MACROD2: variants seen among roughly 807,000 people sequenced by gnomAD.
The protein encoded by MACROD2 is ADP-ribose glycohydrolase MACROD2.
In MACROD2, 36 loss-of-function variants were observed where a neutral mutation model predicts 70.4. That is an observed-to-expected ratio of 0.51 (90% CI 0.39 to 0.68). The LOEUF (loss-of-function observed/expected upper bound fraction) is 0.68. Among genes scored for constraint, MACROD2 ranks in the 30% least tolerant of loss-of-function variants. MACROD2 has a pLI of 0.00. For synonymous variants in MACROD2, 172 were observed against 178.8 expected (o/e 0.96, Z 0.30); for missense variants, 496 against 538.4 (o/e 0.92, Z 0.78).
intron 5 of MACROD2, among the ~76,000 whole-genome samples, chr20:14,992,870 A>T (rs1369230196): frequency 6.6e-6 from 1 of 150,852 alleles, no homozygotes. Context: ...GGAAAGCAAG[A>T]ACCTGACATA....
At chr20:15,968,838 T>TATAC (rs1417891284) in intron 13 of MACROD2, among the ~76,000 whole-genome samples, 97 of 113,750 alleles carry the variant, frequency 8.5e-4, no homozygotes, top group African/African-American at 2.7e-3. Context: ...TATATATATA[T>TATAC]ACACACATAT....
intron 8 of MACROD2, among the ~76,000 whole-genome samples, chr20:15,801,200 A>AAAAAAAAAG (rs749268333): frequency 3.6e-5 from 5 of 137,814 alleles, no homozygotes; most frequent in Non-Finnish European, 4.6e-5. Context: ...AAAAAAAAAA[A>AAAAAAAAAG]AAAACGAAAA....
intron 3 of MACROD2, among the ~76,000 whole-genome samples, chr20:14,147,103 T>A (rs1275452528): frequency 6.6e-6 from 1 of 152,172 alleles, no homozygotes; most frequent in Non-Finnish European, 1.5e-5. Flanking sequence ...GAGGGCTTCT[T>A]ATGTACTGGG....
chr20:15,766,772 A>C (rs2051534266), intron 8 of MACROD2, among the ~76,000 whole-genome samples: 1 of 152,220 alleles, frequency 6.6e-6, no homozygotes, highest in Non-Finnish European at 1.5e-5. Context: ...CTTTTGCTAC[A>C]TAACAAACCG....
intron 5 of MACROD2, among the ~76,000 whole-genome samples, chr20:14,699,595 G>A (rs1298704986): frequency 6.6e-6 from 1 of 152,084 alleles, no homozygotes; most frequent in Non-Finnish European, 1.5e-5. Flanking sequence ...TAATTTTACA[G>A]AAATAGAATC....
intron 7 of MACROD2, among the ~76,000 whole-genome samples, chr20:15,467,342 ATTTG>A (rs2046906997): frequency 6.6e-6 from 1 of 152,174 alleles, no homozygotes; most frequent in African/African-American, 2.4e-5. Flanking sequence ...CTTCAAATAT[ATTTG>A]TTTGCATTAT....
intron 5 of MACROD2, among the ~76,000 whole-genome samples, chr20:14,945,697 C>A (rs181318): frequency 0.63 from 95,706 of 151,464 alleles, 30,624 homozygotes; most frequent in South Asian, 0.74. Context: ...GAATGAACTG[C>A]GGGAGACAAA....
intron 12 of MACROD2, among the ~76,000 whole-genome samples, chr20:15,962,963 A>G (rs1260711164): frequency 6.6e-6 from 1 of 152,332 alleles, no homozygotes; most frequent in South Asian, 2.1e-4. Context: ...CCTATATAAA[A>G]GAGTAGCCGC....
chr20:14,298,803 G>A (rs1270316166), intron 3 of MACROD2, among the ~76,000 whole-genome samples: 2 of 149,082 alleles, frequency 1.3e-5, no homozygotes, highest in Non-Finnish European at 3.0e-5. Context: ...GATTTCAGGG[G>A]AGAAAGTCAC....
At chr20:15,892,917 G>A (rs545277096) in intron 10 of MACROD2, 57 of 398,736 alleles carry the variant, frequency 1.4e-4, no homozygotes, top group Middle Eastern at 1.3e-3. Context: ...TTAAATCTTC[G>A]TGATTCCAGA....
intron 5 of MACROD2, among the ~76,000 whole-genome samples, chr20:14,779,898 C>A (rs1226024263): frequency 6.6e-6 from 1 of 152,070 alleles, no homozygotes; most frequent in East Asian, 1.9e-4. Flanking sequence ...AAGACAATGG[C>A]ATATGCAGCT....
intron 3 of MACROD2, among the ~76,000 whole-genome samples, chr20:14,140,805 A>T (rs982220320): frequency 6.6e-6 from 1 of 152,124 alleles, no homozygotes; most frequent in African/African-American, 2.4e-5. Context: ...CGAAATGATT[A>T]TCAGTGGTAT....
intron 5 of MACROD2, among the ~76,000 whole-genome samples, chr20:14,741,511 A>T (rs75702245): frequency 0.027 from 4,045 of 152,234 alleles, 194 homozygotes; most frequent in African/African-American, 0.091. Context: ...GAATAGGTAT[A>T]TTTAACTTGT....
intron 5 of MACROD2, among the ~76,000 whole-genome samples, chr20:15,224,013 G>A (rs1262244926): frequency 6.6e-6 from 1 of 152,130 alleles, no homozygotes; most frequent in African/African-American, 2.4e-5. Flanking sequence ...GTGCAGTGAG[G>A]AAACCCAAAC....
chr20:14,263,830 C>T (rs1164145115), intron 3 of MACROD2, among the ~76,000 whole-genome samples: 4 of 148,596 alleles, frequency 2.7e-5, no homozygotes, highest in South Asian at 2.2e-4. Flanking sequence ...GTTAGCTGGG[C>T]GTGGTGGCCT....
At chr20:15,023,372 A>G (rs1469386642) in intron 5 of MACROD2, among the ~76,000 whole-genome samples, 2 of 152,178 alleles carry the variant, frequency 1.3e-5, no homozygotes, top group Non-Finnish European at 2.9e-5. Flanking sequence ...TAGGAGCTAC[A>G]TATACTCCAG....
chr20:14,903,670 T>A (rs1382289586), intron 5 of MACROD2, among the ~76,000 whole-genome samples: 1 of 152,130 alleles, frequency 6.6e-6, no homozygotes, highest in Non-Finnish European at 1.5e-5. Context: ...TGTTAGATGC[T>A]GTGACAAATA....
chr20:14,276,155 C>G (rs1389580711), intron 3 of MACROD2, among the ~76,000 whole-genome samples: 2 of 152,040 alleles, frequency 1.3e-5, no homozygotes, highest in African/African-American at 4.8e-5. Flanking sequence ...GTAAATCATG[C>G]TGCTATAAAG....
At chr20:14,472,294 A>G (rs977334713) in intron 3 of MACROD2, among the ~76,000 whole-genome samples, 4 of 152,174 alleles carry the variant, frequency 2.6e-5, no homozygotes, top group Non-Finnish European at 5.9e-5. Context: ...TCTGTTTGCA[A>G]TGCATTTTTT....
Sources: allele counts gnomAD v4.1 joint callset (sites outside exome capture counted in the v4.1 genomes callset), GRCh38; gene constraint gnomAD v4.1.1; transcripts MANE v1.5; gene names NCBI Gene and HGNC (gene_info 2026-07-23, HGNC 2026-07-21).